The following ROBO1 variants were observed in gnomAD, a reference collection of about 807,000 sequenced individuals.
ROBO1 encodes the protein roundabout guidance receptor 1, also known as roundabout homolog 1.
ROBO1 carries 149 observed loss-of-function variants against 195.9 expected under a neutral mutation model. That is an observed-to-expected ratio of 0.76 (90% confidence interval 0.67 to 0.87). The LOEUF (loss-of-function observed/expected upper bound fraction) is 0.87. Among genes scored for constraint, ROBO1 ranks in the 40% least tolerant of loss-of-function variants. The probability of loss-of-function intolerance (pLI) is 0.00; values close to 1 mark genes in which losing one functional copy is unlikely to be tolerated. For missense variants in ROBO1, 1,933 were observed against 2,068.3 expected (o/e 0.93, Z 1.27); for synonymous variants, 816 against 733.2 (o/e 1.11, Z -1.82).
chr3:78,957,488 C>A (rs551189057), intron 3 of ROBO1, among the ~76,000 whole-genome samples: 2 of 152,162 alleles, frequency 1.3e-5, no homozygotes, highest in African/African-American at 2.4e-5. Flanking sequence ...GGCCCGTAAA[C>A]AACCAGTAAG....
intron 2 of ROBO1, among the ~76,000 whole-genome samples, chr3:79,519,072 C>A (rs1027373087): frequency 3.9e-5 from 6 of 152,106 alleles, no homozygotes; most frequent in Non-Finnish European, 8.8e-5. Context: ...AATCTGCTTT[C>A]TTCCTGAATG....
chr3:78,717,622 C>T, intron 6 of ROBO1, 141 bp downstream of exon 6: 3 of 1,048,814 alleles, frequency 2.9e-6, no homozygotes, highest in Non-Finnish European at 4.1e-6. Context: ...TCTCAAGCTG[C>T]TTTTCTGATT....
At chr3:78,840,054 T>C (rs1389079414) in intron 4 of ROBO1, among the ~76,000 whole-genome samples, 1 of 152,228 alleles carries the variant, frequency 6.6e-6, no homozygotes, top group African/African-American at 2.4e-5. Context: ...TCAAAAGTTA[T>C]TTCCAAAATA....
chr3:79,425,742 CAT>C (rs1410514489), intron 2 of ROBO1, among the ~76,000 whole-genome samples: 1 of 151,864 alleles, frequency 6.6e-6, no homozygotes, highest in East Asian at 1.9e-4. Flanking sequence ...GAAATACACA[CAT>C]ACTCAAAAAA....
In ROBO1 at chr3:78,598,154, T is replaced by C. The variant is rs866465559; in HGVS notation, c.*759A>G. 2.2e-4 allele frequency: 34 copies of C among 152,560 alleles called. No individual in the cohort carries two copies. Among genetic ancestry groups the C allele is most frequent in the African/African-American group, 7.2e-4 (30 of 41,444 alleles). 9.5% of individuals were successfully genotyped at this position (152,560 alleles called of 1,614,324 possible). A position where few individuals can be genotyped will look rare whatever the true frequency, so the allele number is the denominator to read the frequency against. ...CGTATTTATAATTACTTTTTGATGA[T>C]TGAAAAATAGAACAAGGTTTTACTA... On this transcript the variant is annotated 3_prime_UTR_variant, in exon 31 of 31. Coordinates refer to ENST00000464233, the MANE Select transcript of ROBO1 (RefSeq NM_002941.4).
chr3:78,966,451 A>T (rs9870336), intron 3 of ROBO1, among the ~76,000 whole-genome samples: 22,779 of 152,146 alleles, frequency 0.15, 2,546 homozygotes, highest in African/African-American at 0.32. Flanking sequence ...GACTGCTAAT[A>T]ATTCAGATGT....
chr3:78,908,415 T>C (rs961109473), intron 4 of ROBO1, among the ~76,000 whole-genome samples: 7 of 151,932 alleles, frequency 4.6e-5, no homozygotes, highest in African/African-American at 1.7e-4. Context: ...TTGCGGTAAA[T>C]ATGCAATTTT....
chr3:79,434,910 G>C (rs2038827697), intron 2 of ROBO1, among the ~76,000 whole-genome samples: 1 of 152,140 alleles, frequency 6.6e-6, no homozygotes, highest in African/African-American at 2.4e-5. Flanking sequence ...CATATCCTTT[G>C]TAGGGACATG....
chr3:78,942,043 G>GT (rs1226811537), intron 3 of ROBO1, among the ~76,000 whole-genome samples: 1 of 152,140 alleles, frequency 6.6e-6, no homozygotes, highest in African/African-American at 2.4e-5. Flanking sequence ...GCTCATGCCT[G>GT]TAATTCCAGC....
intron 1 of ROBO1, among the ~76,000 whole-genome samples, chr3:79,601,205 A>G (rs1431915001): frequency 6.6e-6 from 1 of 152,006 alleles, no homozygotes; most frequent in Non-Finnish European, 1.5e-5. Context: ...ATTCTAAACG[A>G]AAGCACCAAC....
intron 4 of ROBO1, among the ~76,000 whole-genome samples, chr3:78,809,937 T>A (rs539472471): frequency 1.3e-5 from 2 of 150,894 alleles, no homozygotes; most frequent in African/African-American, 4.9e-5. Flanking sequence ...TGTATACCTA[T>A]GTAACAAACC....
intron 1 of ROBO1, among the ~76,000 whole-genome samples, chr3:79,701,828 GAA>G (rs1343850538): frequency 3.2e-4 from 43 of 135,262 alleles, no homozygotes; most frequent in African/African-American, 1.2e-3. Context: ...GATTATATTT[GAA>G]ATGATAATAT....
intron 2 of ROBO1, among the ~76,000 whole-genome samples, chr3:79,270,407 TATA>T (rs1189523752): frequency 6.6e-6 from 1 of 151,600 alleles, no homozygotes; most frequent in African/African-American, 2.4e-5. Context: ...TGCCAATATT[TATA>T]ATTTTAACGT....
intron 3 of ROBO1, among the ~76,000 whole-genome samples, chr3:79,116,892 T>A (rs1249994199): frequency 2.6e-5 from 4 of 152,230 alleles, no homozygotes; most frequent in Non-Finnish European, 5.9e-5. Flanking sequence ...TATACTGTAC[T>A]ATTATAAAGT....
chr3:79,745,779 T>C (rs1703848114), intron 1 of ROBO1, among the ~76,000 whole-genome samples: 1 of 152,160 alleles, frequency 6.6e-6, no homozygotes, highest in African/African-American at 2.4e-5. Context: ...AATAAGTTAG[T>C]TCATTAAGGA....
At chr3:79,330,312 AAAATAAAT>A (rs202119973) in intron 2 of ROBO1, among the ~76,000 whole-genome samples, 5 of 147,464 alleles carry the variant, frequency 3.4e-5, no homozygotes, top group African/African-American at 9.9e-5. Context: ...ATTTCCTCAA[AAAATAAAT>A]AAATAAATAA....
In ROBO1 at chr3:79,627,826, A is replaced by C. The variant is rs183244557; in HGVS notation, c.-50-37865T>G. 1.0e-3 allele frequency among the ~76,000 whole-genome samples: 155 copies of C among 152,274 alleles called. 1 individual carries two copies. Among genetic ancestry groups the C allele is most frequent in the African/African-American group, 3.7e-3 (152 of 41,538 alleles). ...CCAGAAAAAAGCAACCCCATCAAAA[A>C]ATGGGTTAAAGATAAGAACAGACAC... On this transcript the variant is annotated intron_variant, in intron 1 of 30. Transcript: ENST00000464233.
At chr3:78,749,507 TG>T (rs1293195129) in intron 4 of ROBO1, among the ~76,000 whole-genome samples, 8 of 152,296 alleles carry the variant, frequency 5.3e-5, no homozygotes, top group Middle Eastern at 3.4e-3. Context: ...ACTTCAGTAT[TG>T]CCCATGACTA....
At chr3:78,778,736 T>C in intron 4 of ROBO1, among the ~76,000 whole-genome samples, 1 of 152,140 alleles carries the variant, frequency 6.6e-6, no homozygotes. Flanking sequence ...AAGCTACCAC[T>C]GACTTCCTTC....
Sources: allele counts gnomAD v4.1 joint callset (sites outside exome capture counted in the v4.1 genomes callset), GRCh38; gene constraint gnomAD v4.1.1; transcripts MANE v1.5; gene names NCBI Gene and HGNC (gene_info 2026-07-23, HGNC 2026-07-21).